PKN2: variants seen among roughly 807,000 people sequenced by gnomAD.
The protein encoded by PKN2 is protein kinase N2.
PKN2 carries 38 observed loss-of-function variants against 119.1 expected under a neutral mutation model. The observed-to-expected ratio is 0.32, with a 90% CI of 0.25 to 0.42. The LOEUF (loss-of-function observed/expected upper bound fraction) is 0.42, where lower values mean the gene tolerates loss of function less well. Among genes scored for constraint, PKN2 ranks in the 10% least tolerant of loss-of-function variants. PKN2 has a pLI of 1.00. For synonymous variants in PKN2, 390 were observed against 384.9 expected (o/e 1.01, Z -0.15); for missense variants, 850 against 1,165.1 (o/e 0.73, Z 3.94).
At chr1:88,712,283 G>A (rs780633060) in intron 1 of PKN2, among the ~76,000 whole-genome samples, 14 of 152,068 alleles carry the variant, frequency 9.2e-5, no homozygotes, top group Middle Eastern at 3.4e-3. Context: ...CATATAATAG[G>A]TATTTAATTA....
At chr1:88,713,733 G>T (rs190064009) in intron 1 of PKN2, among the ~76,000 whole-genome samples, 2 of 152,120 alleles carry the variant, frequency 1.3e-5, no homozygotes, top group Admixed American at 6.5e-5. Context: ...TAGGTTGCCT[G>T]TTCACTCTGA....
intron 1 of PKN2, among the ~76,000 whole-genome samples, chr1:88,699,096 CTT>C (rs1206124814): frequency 6.6e-6 from 1 of 151,896 alleles, no homozygotes; most frequent in Non-Finnish European, 1.5e-5. Context: ...CTGTTTCTCT[CTT>C]TCTTTTTCTC....
At chr1:88,796,086 T>G (rs1671052218) in intron 8 of PKN2, among the ~76,000 whole-genome samples, 1 of 152,230 alleles carries the variant, frequency 6.6e-6, no homozygotes, top group Admixed American at 6.5e-5. Context: ...CCAGTGCTTT[T>G]CTTTTTAGCA....
At chr1:88,801,944 A>T (rs1156887198) in intron 8 of PKN2, among the ~76,000 whole-genome samples, 1 of 152,212 alleles carries the variant, frequency 6.6e-6, no homozygotes, top group African/African-American at 2.4e-5. Flanking sequence ...ACTTTCCTAA[A>T]TAGGTAAATG....
In PKN2 at chr1:88,820,179, CCT is replaced by C. The variant is rs1491311339; in HGVS notation, c.2280-1761_2280-1760del. ...TAAATCAAACAAATCTTTTCAGAAA[CCT>C]ATATATATATATATATATATATATA... On this transcript the variant is annotated intron_variant, in intron 16 of 21. Transcript: ENST00000370521. Among the ~76,000 whole-genome samples the C allele has an allele frequency of 9.2e-5, 6 of 65,474 alleles. No homozygotes were observed. In the East Asian group the frequency reaches 1.4e-3, roughly 15 times the overall value. The allele number at this position is 65,474 out of a possible 152,430, so 43.0% of individuals were successfully genotyped here.
chr1:88,777,221 C>CTTT (rs1315859333), intron 6 of PKN2, among the ~76,000 whole-genome samples: 1 of 152,042 alleles, frequency 6.6e-6, no homozygotes, highest in African/African-American at 2.4e-5. Flanking sequence ...TTTTGTTATA[C>CTTT]TTTTCAATTC....
intron 1 of PKN2, among the ~76,000 whole-genome samples, chr1:88,717,664 C>T (rs1307457819): frequency 6.6e-6 from 1 of 151,896 alleles, no homozygotes; most frequent in Non-Finnish European, 1.5e-5. Context: ...AGGTCTTCTC[C>T]ATGCTATTTA....
intron 19 of PKN2, among the ~76,000 whole-genome samples, chr1:88,830,547 GTGCT>G (rs904708129): frequency 6.6e-6 from 1 of 152,004 alleles, no homozygotes; most frequent in Non-Finnish European, 1.5e-5. Context: ...ATTCAATTAT[GTGCT>G]TGCTTAAAAT....
At chr1:88,792,608 A>G (rs1309686827) in intron 8 of PKN2, among the ~76,000 whole-genome samples, 1 of 152,128 alleles carries the variant, frequency 6.6e-6, no homozygotes, top group East Asian at 1.9e-4. Context: ...TCTACTGTGG[A>G]CCAGAAGCCT....
intron 13 of PKN2, 34 bp from the exon 14 acceptor site, chr1:88,807,495 T>TAA (rs747318023): frequency 5.0e-6 from 8 of 1,603,268 alleles, no homozygotes; most frequent in Middle Eastern, 3.3e-4. Context: ...CCATACTTTA[T>TAA]TGTCTTATTA....
intron 3 of PKN2, among the ~76,000 whole-genome samples, chr1:88,762,939 T>A (rs1357815238): frequency 1.3e-5 from 2 of 152,226 alleles, no homozygotes; most frequent in African/African-American, 4.8e-5. Flanking sequence ...GTACAAGTTC[T>A]TAGTGTATTT....
intron 1 of PKN2, 49 bp from the exon 2 acceptor site, chr1:88,740,939 C>T: frequency 3.2e-6 from 4 of 1,238,186 alleles, no homozygotes; most frequent in Non-Finnish European, 4.5e-6. Context: ...ATTTACTGAG[C>T]AGCCAACTCT....
In PKN2 at chr1:88,723,533, T is replaced by A. The variant is rs555846084; in HGVS notation, c.49-17455T>A. On this transcript the variant is annotated intron_variant, in intron 1 of 21. Coordinates refer to ENST00000370521, the MANE Select transcript of PKN2 (RefSeq NM_006256.4). ...CCATCCCAGGTTCAAGCAATTCTTG[T>A]GCTTCAGCCTCCCAAGTAGCTGGGA... 9.0e-4 allele frequency among the ~76,000 whole-genome samples: 137 copies of A among 152,110 alleles called. 2 individuals are homozygous for A. The highest frequency in any genetic ancestry group is 3.3e-3 in the African/African-American group (135 of 41,502).
In PKN2 at chr1:88,833,259, C is replaced by T. The variant is rs754920753; in HGVS notation, c.2766C>T (p.Ser922=). The stretch of plus-strand genomic sequence containing the variant: ...TTATGATCCAGCTAATTGATTGGAG[C>T]GCTCTGATGGACAAAAAAGTAAAGC... ...KHPFFRLIDW[S]ALMDKKVKPP... Residue 922 remains serine (S), a synonymous_variant, in exon 22 of 22, where the codon AGC becomes AGT. Coordinates refer to ENST00000370521, the MANE Select transcript of PKN2 (RefSeq NM_006256.4). The T allele has an allele frequency of 3.0e-5, 48 of 1,612,776 alleles. No homozygotes were observed. In the East Asian group the frequency reaches 5.8e-4, roughly 19 times the overall value.
At chr1:88,781,166 G>C in intron 6 of PKN2, 1 of 1,279,410 alleles carries the variant, frequency 7.8e-7, no homozygotes, top group Admixed American at 2.4e-5. Flanking sequence ...TGAATAGTAA[G>C]AGCATTTGCT....
At chr1:88,713,648 G>GT (rs1363079296) in intron 1 of PKN2, among the ~76,000 whole-genome samples, 1 of 151,900 alleles carries the variant, frequency 6.6e-6, no homozygotes, top group African/African-American at 2.4e-5. Flanking sequence ...TTGTAAATTT[G>GT]TTTAAGTTCT....
intron 1 of PKN2, among the ~76,000 whole-genome samples, chr1:88,722,824 G>A (rs1232060871): frequency 6.6e-6 from 1 of 151,684 alleles, no homozygotes; most frequent in East Asian, 1.9e-4. Flanking sequence ...ATTATTGATT[G>A]ACTGTGATGT....
chr1:88,811,681 T>C (rs1168367620), intron 15 of PKN2, among the ~76,000 whole-genome samples: 6 of 152,164 alleles, frequency 3.9e-5, no homozygotes, highest in African/African-American at 1.4e-4. Flanking sequence ...TTGGTGCTCT[T>C]TTCCCCTTAC....
In PKN2 at chr1:88,699,503, C is replaced by T. The variant is rs1313950503; in HGVS notation, c.48+14875C>T. Among the ~76,000 whole-genome samples, 6 of 152,192 alleles carry T rather than the reference C, an allele frequency of 3.9e-5. No homozygotes were observed. The South Asian group carries it at 1.0e-3, about 26-fold the overall frequency. On this transcript the variant is annotated intron_variant, in intron 1 of 21. Coordinates refer to ENST00000370521, the MANE Select transcript of PKN2 (RefSeq NM_006256.4). ...AAACATGTGCCATGGTGGTTTGCTG[C>T]GCAGATCATCCCATCACCTGGGTAT...
Sources: allele counts gnomAD v4.1 joint callset (sites outside exome capture counted in the v4.1 genomes callset), GRCh38; gene constraint gnomAD v4.1.1; transcripts MANE v1.5; gene names NCBI Gene and HGNC (gene_info 2026-07-23, HGNC 2026-07-21).